Variants in ANXA4 observed in about 807,000 individuals in gnomAD.
ANXA4 encodes the protein 35-beta calcimedin.
ANXA4 carries 39 observed loss-of-function variants against 49.8 expected under a neutral mutation model. The observed-to-expected ratio is 0.78, with a 90% CI of 0.61 to 1.02. ANXA4 has a LOEUF of 1.02. Ranked by LOEUF, ANXA4 falls within the 50% of genes least tolerant of loss-of-function variation. ANXA4 has a pLI of 0.00. For synonymous variants in ANXA4, 134 were observed against 152.5 expected, an observed-to-expected ratio of 0.88 and a Z score of 0.89; for missense variants, 360 against 410.1, an observed-to-expected ratio of 0.88 and a Z score of 1.05.
chr2:69,716,715 C>T (rs192862772), intron 2 of ANXA4, among the ~76,000 whole-genome samples: 2 of 152,196 alleles, frequency 1.3e-5, no homozygotes, highest in Admixed American at 1.3e-4. Context: ...AGGTGAAGAG[C>T]TCAGGATGGA....
Position 69,816,105 on chromosome 2 carries a change from T to C in ANXA4, c.539T>C (p.Leu180Pro). ...CTGTGCTTTGTTTGGCTTCAGGACC[T>C]GTATGAGGCTGGAGAGAAGAAATGG... ...DALVRQDAQD[L>P]YEAGEKKWGT... Residue 180 changes from leucine (L) to proline (P), a missense_variant, in exon 9 of 13, where the codon CTG becomes CCG. Coordinates refer to ENST00000394295, the MANE Select transcript of ANXA4 (RefSeq NM_001153.5). 2 of 1,613,802 alleles carry C rather than the reference T, an allele frequency of 1.2e-6. No homozygotes were observed. Among genetic ancestry groups the C allele is most frequent in the Non-Finnish European group, 1.7e-6 (2 of 1,179,698 alleles).
intron 1 of ANXA4, among the ~76,000 whole-genome samples, chr2:69,769,116 A>G (rs1671613447): frequency 6.6e-6 from 1 of 152,182 alleles, no homozygotes; most frequent in African/African-American, 2.4e-5. Context: ...GTGCCCAGAA[A>G]AACAAGGTAG....
intron 2 of ANXA4, among the ~76,000 whole-genome samples, chr2:69,782,599 C>T (rs1672246070): frequency 6.6e-6 from 1 of 152,192 alleles, no homozygotes. Flanking sequence ...AAGCGATCCT[C>T]CCACCTTGGC....
intron 2 of ANXA4, among the ~76,000 whole-genome samples, chr2:69,698,993 GA>G (rs1225507514): frequency 6.6e-6 from 1 of 152,190 alleles, no homozygotes; most frequent in East Asian, 1.9e-4. Flanking sequence ...ACAAAGCCTG[GA>G]AAATAGACTA....
intron 2 of ANXA4, among the ~76,000 whole-genome samples, chr2:69,703,979 A>G (rs1335643791): frequency 1.3e-5 from 2 of 152,162 alleles, no homozygotes; most frequent in African/African-American, 4.8e-5. Context: ...ATGTATTTAA[A>G]TATTTAATCT....
rs1670006854 is a variant in ANXA4, at chr2:69,728,048, CTTCTCAG to C, written n.864+7181_864+7187del. On this transcript the variant is annotated intron_variant and non_coding_transcript_variant, in intron 3 of 3. Transcript: ENST00000418066. The stretch of plus-strand genomic sequence containing the variant: ...GGATCTTTGCAAGAAATAATGTATC[CTTCTCAG>C]TTCATATCAGGAAGAACACAATGTC... Among the ~76,000 whole-genome samples, 3 of 152,170 alleles carry C rather than the reference CTTCTCAG, an allele frequency of 2.0e-5. No individual in the cohort carries two copies. The South Asian group carries it at 6.2e-4, about 32-fold the overall frequency.
intron 3 of ANXA4, among the ~76,000 whole-genome samples, chr2:69,792,586 T>G (rs1034894180): frequency 4.4e-5 from 3 of 68,116 alleles, no homozygotes; most frequent in African/African-American, 9.1e-5. Flanking sequence ...ACACGCAGTG[T>G]TTTTTTTTGC....
chr2:69,813,356 C>T (rs1673793467), intron 8 of ANXA4, among the ~76,000 whole-genome samples: 1 of 151,490 alleles, frequency 6.6e-6, no homozygotes, highest in South Asian at 2.1e-4. Flanking sequence ...TCAAGTGATT[C>T]TGCTGCCTCA....
chr2:69,775,482 G>A (rs1671926414), intron 1 of ANXA4, among the ~76,000 whole-genome samples: 2 of 152,180 alleles, frequency 1.3e-5, no homozygotes, highest in African/African-American at 4.8e-5. Flanking sequence ...ATGGGTTCTT[G>A]TAATCACCCA....
At chr2:69,685,137 G>A (rs1056638899) in intron 2 of ANXA4, among the ~76,000 whole-genome samples, 1 of 152,062 alleles carries the variant, frequency 6.6e-6, no homozygotes, top group African/African-American at 2.4e-5. Context: ...ATAATGGTCT[G>A]TAACCTCAAT....
intron 2 of ANXA4, among the ~76,000 whole-genome samples, chr2:69,706,021 A>G (rs920133865): frequency 1.3e-4 from 19 of 151,968 alleles, no homozygotes; most frequent in Non-Finnish European, 5.9e-5. Flanking sequence ...ATTAAAAAAT[A>G]TATATATCTG....
intron 1 of ANXA4, among the ~76,000 whole-genome samples, chr2:69,769,871 C>T (rs1462566821): frequency 6.6e-6 from 1 of 152,146 alleles, no homozygotes; most frequent in Admixed American, 6.5e-5. Flanking sequence ...TCATGTTGGC[C>T]AGGCTGGTCT....
At chr2:69,761,797 T>G (rs1671301056) in intron 1 of ANXA4, among the ~76,000 whole-genome samples, 1 of 147,020 alleles carries the variant, frequency 6.8e-6, no homozygotes, top group South Asian at 2.1e-4. Context: ...AAAAAAAAAC[T>G]TAAAATGTGT....
chr2:69,701,212 A>G (rs918282882), intron 2 of ANXA4, among the ~76,000 whole-genome samples: 4 of 152,030 alleles, frequency 2.6e-5, no homozygotes, highest in Admixed American at 6.6e-5. Context: ...ACACCTAAAA[A>G]TTACTATCTT....
At chr2:69,667,658 C>A (rs1676988889) in intron 2 of ANXA4, among the ~76,000 whole-genome samples, 1 of 152,122 alleles carries the variant, frequency 6.6e-6, no homozygotes, top group Admixed American at 6.6e-5. Flanking sequence ...CTTTTCTTCT[C>A]CTCTCCACAT....
intron 1 of ANXA4, 33 bp downstream of exon 1, chr2:69,742,208 T>G (rs1246264736): frequency 1.3e-5 from 2 of 152,118 alleles, no homozygotes; most frequent in African/African-American, 2.4e-5. Flanking sequence ...GGGCCGGGGG[T>G]CCTGGGCTCA....
At chr2:69,689,235 C>T (rs1488368002) in intron 2 of ANXA4, among the ~76,000 whole-genome samples, 2 of 151,914 alleles carry the variant, frequency 1.3e-5, no homozygotes, top group Admixed American at 1.3e-4. Flanking sequence ...ATTATAGGCA[C>T]ATACCACCAT....
Position 69,670,274 on chromosome 2 carries a change from T to C in ANXA4, n.766+16992T>C, listed in dbSNP as rs182902257. ...GGCCAACATGGTGAAACCCCATCTC[T>C]ACTAAAAACACATAAATTAGCTGGG... On this transcript the variant is annotated intron_variant and non_coding_transcript_variant, in intron 2 of 3. Transcript: ENST00000418066. Among the ~76,000 whole-genome samples the C allele has an allele frequency of 2.0e-5, 3 of 151,880 alleles. No individual in the cohort carries two copies. In the East Asian group the frequency reaches 5.8e-4, roughly 29 times the overall value.
chr2:69,697,743 C>T (rs1010921789), intron 2 of ANXA4, among the ~76,000 whole-genome samples: 4 of 152,136 alleles, frequency 2.6e-5, no homozygotes, highest in Middle Eastern at 3.2e-3. Context: ...AGCAGTGGAG[C>T]AGTCAGTATA....
Sources: gnomAD v4.1 joint callset for allele counts (sites outside exome capture counted in the v4.1 genomes callset) on GRCh38, gnomAD v4.1.1 for gene constraint, MANE v1.5 for transcripts, NCBI Gene and HGNC (gene_info 2026-07-23, HGNC 2026-07-21) for gene names.